Variants in DOK5 observed in about 807,000 individuals in gnomAD.
DOK5 encodes downstream of tyrosine kinase 5.
DOK5 carries 27 observed loss-of-function variants against 43.3 expected under a neutral mutation model. That is an observed-to-expected ratio of 0.62 (90% CI 0.46 to 0.86). The LOEUF (loss-of-function observed/expected upper bound fraction) is 0.86, where lower values mean the gene tolerates loss of function less well. Ranked by LOEUF, DOK5 falls within the 40% of genes least tolerant of loss-of-function variation. DOK5 has a pLI of 0.00. For missense variants in DOK5, 373 were observed against 392.9 expected (o/e 0.95, Z 0.43); for synonymous variants, 146 against 140.1 (o/e 1.04, Z -0.30).
At chr20:54,540,516 G>GTTAT (rs1214274738) in intron 1 of DOK5, among the ~76,000 whole-genome samples, 22 of 152,160 alleles carry the variant, frequency 1.4e-4, no homozygotes, top group African/African-American at 5.3e-4. Context: ...TGCTAAGTAT[G>GTTAT]TTATTTATTT....
intron 2 of DOK5, among the ~76,000 whole-genome samples, chr20:54,579,476 C>G (rs1248292475): frequency 6.6e-6 from 1 of 151,980 alleles, no homozygotes; most frequent in Admixed American, 6.6e-5. Context: ...ATTACATGTA[C>G]ATTGTTTTAT....
intron 1 of DOK5, among the ~76,000 whole-genome samples, chr20:54,477,115 G>A (rs1981462160): frequency 6.6e-6 from 1 of 152,100 alleles, no homozygotes; most frequent in African/African-American, 2.4e-5. Context: ...GTCAGTAATC[G>A]TGTGGAATGC....
Position 54,573,085 on chromosome 20 carries a change from T to C in DOK5, c.175-15398T>C, listed in dbSNP as rs186889560. Among the ~76,000 whole-genome samples the C allele has an allele frequency of 7.9e-5, 12 of 152,280 alleles. No individual in the cohort carries two copies. In the East Asian group the frequency reaches 2.1e-3, roughly 27 times the overall value. On this transcript the variant is annotated intron_variant, in intron 2 of 7. Transcript: ENST00000262593. ...TATATAAGCAAAATATGTAGAGTAT[T>C]GGTGTTACTGATAAATGCCAAAGAG...
intron 2 of DOK5, among the ~76,000 whole-genome samples, chr20:54,581,981 A>C (rs909123680): frequency 1.3e-5 from 2 of 150,440 alleles, no homozygotes; most frequent in Admixed American, 1.3e-4. Flanking sequence ...TGATCTTAGG[A>C]AAAAAAAATG....
At chr20:54,477,530 T>C (rs1226819442) in intron 1 of DOK5, among the ~76,000 whole-genome samples, 2 of 152,278 alleles carry the variant, frequency 1.3e-5, no homozygotes, top group East Asian at 3.9e-4. Context: ...AGAGCACCCA[T>C]TGTTGGGGGT....
chr20:54,527,476 G>C (rs1425113703), intron 1 of DOK5, among the ~76,000 whole-genome samples: 3 of 152,144 alleles, frequency 2.0e-5, no homozygotes, highest in Admixed American at 1.3e-4. Context: ...TCAAATCGAA[G>C]AGCAAACCTC....
At chr20:54,637,941 T>C (rs1156701245) in intron 6 of DOK5, among the ~76,000 whole-genome samples, 5 of 152,044 alleles carry the variant, frequency 3.3e-5, no homozygotes, top group African/African-American at 4.8e-5. Flanking sequence ...GCTAACACGG[T>C]GAAACCCCGT....
intron 7 of DOK5, among the ~76,000 whole-genome samples, 159 bp from the exon 8 acceptor site, chr20:54,650,256 C>G (rs1387963667): frequency 6.6e-6 from 1 of 152,212 alleles, no homozygotes; most frequent in Non-Finnish European, 1.5e-5. Context: ...ATCATGCAAT[C>G]TCTGTGACTC....
In DOK5 at chr20:54,555,050, A is replaced by T. The variant is rs1275724454; in HGVS notation, c.174+10A>T. 4 of 1,566,286 alleles carry T rather than the reference A, an allele frequency of 2.6e-6. No homozygotes were observed. The Admixed American group carries it at 6.7e-5, about 26-fold the overall frequency. On this transcript the variant is annotated intron_variant, in intron 2 of 7. Transcript: ENST00000262593. ...CAGGTGTTATCATAAGGTAAGACTC[A>T]ATTGCTGTAGCTTTCCAGTAATCTA...
At chr20:54,613,230 C>T (rs1448727362) in intron 6 of DOK5, among the ~76,000 whole-genome samples, 14 of 151,308 alleles carry the variant, frequency 9.3e-5, no homozygotes. Context: ...TCACCTCTCT[C>T]TCTCTCTCGC....
At chr20:54,608,652 C>G (rs1393116715) in intron 5 of DOK5, among the ~76,000 whole-genome samples, 2 of 148,256 alleles carry the variant, frequency 1.3e-5, no homozygotes, top group Non-Finnish European at 3.0e-5. Flanking sequence ...GTTTTTCCCT[C>G]TATTTCTTCT....
At chr20:54,519,077 G>T (rs1983300494) in intron 1 of DOK5, among the ~76,000 whole-genome samples, 1 of 152,206 alleles carries the variant, frequency 6.6e-6, no homozygotes, top group African/African-American at 2.4e-5. Context: ...AGGATGTGAA[G>T]AAATAGGAGC....
intron 1 of DOK5, among the ~76,000 whole-genome samples, chr20:54,537,354 G>T (rs1983993031): frequency 6.6e-6 from 1 of 152,168 alleles, no homozygotes; most frequent in Non-Finnish European, 1.5e-5. Context: ...ACCAAATCAG[G>T]AAGCTCTCAA....
intron 1 of DOK5, among the ~76,000 whole-genome samples, chr20:54,529,461 T>G (rs1400737054): frequency 6.6e-6 from 1 of 152,172 alleles, no homozygotes; most frequent in Admixed American, 6.5e-5. Flanking sequence ...GAGGATGATT[T>G]TATTGTTGGC....
intron 5 of DOK5, among the ~76,000 whole-genome samples, chr20:54,595,148 T>C (rs557083428): frequency 5.3e-5 from 8 of 152,306 alleles, no homozygotes; most frequent in East Asian, 1.9e-4. Context: ...GAGACCATCC[T>C]GGCTAACACG....
chr20:54,636,900 A>G (rs1452729975), intron 6 of DOK5, among the ~76,000 whole-genome samples: 1 of 152,220 alleles, frequency 6.6e-6, no homozygotes, highest in African/African-American at 2.4e-5. Context: ...AAATTTCAAC[A>G]GGACTTTTGG....
intron 2 of DOK5, among the ~76,000 whole-genome samples, chr20:54,587,982 G>A (rs1985863294): frequency 6.6e-6 from 1 of 152,160 alleles, no homozygotes; most frequent in South Asian, 2.1e-4. Flanking sequence ...GGTAAAGAGT[G>A]AAATAATCTA....
intron 2 of DOK5, among the ~76,000 whole-genome samples, chr20:54,575,622 G>A (rs1985429466): frequency 6.6e-6 from 1 of 152,088 alleles, no homozygotes. Flanking sequence ...TGTATTTTTA[G>A]TAGAGGTGGG....
chr20:54,639,912 A>G lies in DOK5; in HGVS notation c.736-3546A>G, dbSNP rs183783130. Among the ~76,000 whole-genome samples, 19 of 152,376 alleles carry G rather than the reference A, an allele frequency of 1.2e-4. No individual in the cohort carries two copies. The East Asian group carries it at 3.7e-3, about 29-fold the overall frequency. ...CTATACGTACATTTGAGAAAAGATT[A>G]ATCAAAACAAGACGATTATTTACCC... On this transcript the variant is annotated intron_variant, in intron 6 of 7. Coordinates refer to ENST00000262593, the MANE Select transcript of DOK5 (RefSeq NM_018431.5).
Sources: gnomAD v4.1 joint callset for allele counts (sites outside exome capture counted in the v4.1 genomes callset) on GRCh38, gnomAD v4.1.1 for gene constraint, MANE v1.5 for transcripts, NCBI Gene and HGNC (gene_info 2026-07-23, HGNC 2026-07-21) for gene names.